CITED4: variants seen among roughly 807,000 people sequenced by gnomAD.
The protein encoded by CITED4 is Cbp/p300 interacting transactivator with ED-rich tail 4.
Under a neutral mutation model 3.3 loss-of-function variants are expected in CITED4, and 3 were observed. That is an observed-to-expected ratio of 0.92 (90% confidence interval 0.42 to 2.38). The LOEUF is 2.38. Ranked by LOEUF, CITED4 falls within the 30% of genes most tolerant of loss-of-function variation. The pLI is 0.05. For synonymous variants in CITED4, 167 were observed against 145.8 expected (o/e 1.15, Z -1.05); for missense variants, 333 against 274.2 (o/e 1.21, Z -1.51).
At position 40,862,053 on chromosome 1, in the gene CITED4, G is replaced by T; in HGVS notation, c.75C>A (p.Gly25=). The T allele has an allele frequency of 7.6e-7, 1 of 1,323,778 alleles. No homozygotes were observed. Among genetic ancestry groups the T allele is most frequent in the Non-Finnish European group, 9.7e-7 (1 of 1,035,648 alleles). 82.0% of individuals were successfully genotyped at this position (1,323,778 alleles called of 1,614,324 possible). The change falls in exon 1 of 1, where the codon GGC becomes GGA. Residue 25 remains glycine, a synonymous_variant. Coordinates refer to ENST00000372638, the MANE Select transcript of CITED4 (RefSeq NM_133467.3). ...QRPPSAAAAH[G]PHALRTLPPY... Reference sequence around the variant, plus strand: ...GCGGCAGAGTCCGGAGCGCATGAGGGCCATGGGCGGCCGCGGCGGACGGCG... The same window carrying T: ...GCGGCAGAGTCCGGAGCGCATGAGGTCCATGGGCGGCCGCGGCGGACGGCG...
chr1:40,861,958 C>A lies in CITED4; in HGVS notation c.170G>T (p.Arg57Leu), dbSNP rs118006907. 1 of 1,243,594 alleles carries A rather than the reference C, an allele frequency of 8.0e-7. No homozygotes were observed. 77.0% of individuals were successfully genotyped at this position (1,243,594 alleles called of 1,614,324 possible). A position where few individuals can be genotyped will look rare whatever the true frequency, so the allele number is the denominator to read the frequency against. ...RGAPLGPPPP[R>L]QPGALAYGAF... is the part of the protein sequence containing the mutation. ...CCCGTACGCCAGGGCCCCGGGTTGGCGGGGCGGCGGCGGCCCCAGCGGAGC... is the reference window on the plus strand; with the variant it reads ...CCCGTACGCCAGGGCCCCGGGTTGGAGGGGCGGCGGCGGCCCCAGCGGAGC... Residue 57 changes from arginine (R) to leucine (L), a missense_variant, in exon 1 of 1, where the codon CGC (arginine) becomes CTC (leucine). By Grantham distance (102) the Arg-to-Leu change is moderately radical (BLOSUM62 -2). Transcript: ENST00000372638.
Position 40,862,352 on chromosome 1 carries a change from C to G in CITED4, c.-225G>C, listed in dbSNP as rs1476158359. On this transcript the variant is annotated 5_prime_UTR_variant, in exon 1 of 1. Transcript: ENST00000372638. ...CAAAGGCCCGCAACCTGTAGTGCTC[C>G]GAAACCTCCGCGTCGCGTAGCTGGG... is the stretch of plus-strand genomic sequence containing the variant. The G allele has an allele frequency of 3.1e-5, 10 of 321,310 alleles. No individual in the cohort carries two copies. The highest frequency in any genetic ancestry group is 1.7e-4 in the African/African-American group (8 of 45,994). 19.9% of individuals were successfully genotyped at this position (321,310 alleles called of 1,614,324 possible).
At position 40,861,938 on chromosome 1, in the gene CITED4, A is replaced by C. The variant is rs1649392126; in HGVS notation, c.190T>G (p.Tyr64Asp). 8.0e-7 allele frequency: 1 copy of C among 1,245,470 alleles called. No homozygotes were observed. The highest frequency in any genetic ancestry group is 1.6e-5 in the African/African-American group (1 of 62,878). 77.2% of individuals were successfully genotyped at this position (1,245,470 alleles called of 1,614,324 possible). ...GAGGACGGCGGCCCGAAGGCCCCGT[A>C]CGCCAGGGCCCCGGGTTGGCGGGGC... ...PPPRQPGALA[Y>D]GAFGPPSSFQ... is the part of the protein sequence containing the mutation. The change falls in exon 1 of 1, where the codon TAC (tyrosine) becomes GAC (aspartate). Residue 64 changes from tyrosine to aspartate, a missense_variant. Coordinates refer to ENST00000372638, the MANE Select transcript of CITED4 (RefSeq NM_133467.3).
rs1437068773 is a variant in CITED4 at position 40,862,079 on chromosome 1, G to C, written c.49C>G (p.Pro17Ala). 14 of 1,319,278 alleles carry C rather than the reference G, an allele frequency of 1.1e-5. No individual in the cohort carries two copies. Among genetic ancestry groups the C allele is most frequent in the East Asian group, 3.2e-5 (1 of 30,792 alleles). The allele number at this position is 1,319,278 out of a possible 1,614,324, so 81.7% of individuals were successfully genotyped here. ...LAEGYRLVQR[P>A]PSAAAAHGPH... ...CCATGGGCGGCCGCGGCGGACGGCG[G>C]CCTCTGCACCAGGCGGTAGCCCTCG... The change falls in exon 1 of 1, where the codon CCG (proline) becomes GCG (alanine). Residue 17 changes from proline to alanine, a missense_variant. By Grantham distance (27) the Pro-to-Ala change is conservative (BLOSUM62 -1). Transcript: ENST00000372638.
Position 40,861,884 on chromosome 1 carries a change from GC to G in CITED4, c.243del (p.Pro82ArgfsTer61). Reference protein sequence around the residue: ...SSFQPFPAVPPPAAGIAHLQP... With the variant: ...SSFQPFPAVPXPAAGIAHLQP... ...TGCAGGTGCGCGATGCCCGCGGCCG[GC>G]GGAGGCACGGCCGGAAAGGGCTGGA... On this transcript the variant is annotated frameshift_variant, in exon 1 of 1. Coordinates refer to ENST00000372638, the MANE Select transcript of CITED4 (RefSeq NM_133467.3). LOFTEE classifies it low-confidence loss of function (END_TRUNC). 8.1e-7 allele frequency: 1 copy of G among 1,233,454 alleles called. No individual in the cohort carries two copies. Among genetic ancestry groups the G allele is most frequent in the South Asian group, 2.6e-5 (1 of 39,184 alleles). The allele number at this position is 1,233,454 out of a possible 1,614,324, so 76.4% of individuals were successfully genotyped here.
At position 40,861,504 on chromosome 1, in the gene CITED4, G is replaced by T; in HGVS notation, c.*69C>A. ...AGGGCGCGCGCGGGGCCCAGTCGCT[G>T]GGTGCAGGGTCCGGCGGGCAGTCGG... On this transcript the variant is annotated 3_prime_UTR_variant, in exon 1 of 1. Coordinates refer to ENST00000372638, the MANE Select transcript of CITED4 (RefSeq NM_133467.3). 9.9e-7 allele frequency: 1 copy of T among 1,008,276 alleles called. No individual in the cohort carries two copies. Among genetic ancestry groups the T allele is most frequent in the Non-Finnish European group, 1.3e-6 (1 of 779,516 alleles). The allele number at this position is 1,008,276 out of a possible 1,614,324, so 62.5% of individuals were successfully genotyped here.
chr1:40,861,534 T>G lies in CITED4; in HGVS notation c.*39A>C. On this transcript the variant is annotated 3_prime_UTR_variant, in exon 1 of 1. Transcript: ENST00000372638. ...CAGGGTCCGGCGGGCAGTCGGGCCC[T>G]TTCTCCTCTCCGGCACGCCGGGCGG... is the stretch of plus-strand genomic sequence containing the variant. 1 of 1,321,002 alleles carries G rather than the reference T, an allele frequency of 7.6e-7. No homozygotes were observed. The allele number at this position is 1,321,002 out of a possible 1,614,324, so 81.8% of individuals were successfully genotyped here.
chr1:40,861,809 G>C lies in CITED4; in HGVS notation c.319C>G (p.Pro107Ala), dbSNP rs1489037963. Reference sequence around the variant, plus strand: ...GGCTGCGGGCCCGGGGGGCCTCCCGGAGCGTTGGGGGGCGCGGCCGCGCGG... The same window carrying C: ...GGCTGCGGGCCCGGGGGGCCTCCCGCAGCGTTGGGGGGCGCGGCCGCGCGG... ...PGRAAAPPNA[P>A]GGPPGPQPAP... is the part of the protein sequence containing the mutation. Residue 107 changes from proline (P) to alanine (A), a missense_variant, in exon 1 of 1, where the codon CCG becomes GCG. Coordinates refer to ENST00000372638, the MANE Select transcript of CITED4 (RefSeq NM_133467.3). The C allele has an allele frequency of 9.0e-7, 1 of 1,112,070 alleles. No individual in the cohort carries two copies. The highest frequency in any genetic ancestry group is 1.1e-6 in the Non-Finnish European group (1 of 912,814). 68.9% of individuals were successfully genotyped at this position (1,112,070 alleles called of 1,614,324 possible).
Position 40,861,596 on chromosome 1 carries a change from G to A in CITED4, c.532C>T (p.Pro178Ser), listed in dbSNP as rs1455562949. The change falls in exon 1 of 1, where the codon CCC (proline) becomes TCC (serine). Residue 178 changes from proline to serine, a missense_variant. By Grantham distance (74) the Pro-to-Ser change is moderately conservative. Coordinates refer to ENST00000372638, the MANE Select transcript of CITED4 (RefSeq NM_133467.3). ...DCFSDLGSAPPAGSVSC is the reference protein window; with the variant it reads ...DCFSDLGSAPSAGSVSC ...CCTCAGCAGCTCACGGAGCCGGCGG[G>A]CGGCGCGGACCCCAAGTCCGAGAAG... The A allele has an allele frequency of 1.4e-6, 2 of 1,461,316 alleles. No individual in the cohort carries two copies. Among genetic ancestry groups the A allele is most frequent in the East Asian group, 6.1e-5 (2 of 32,828 alleles). 90.5% of individuals were successfully genotyped at this position (1,461,316 alleles called of 1,614,324 possible). A position where few individuals can be genotyped will look rare whatever the true frequency, so the allele number is the denominator to read the frequency against.
chr1:40,861,411 G>A lies in CITED4; in HGVS notation c.*162C>T. On this transcript the variant is annotated 3_prime_UTR_variant, in exon 1 of 1. Coordinates refer to ENST00000372638, the MANE Select transcript of CITED4 (RefSeq NM_133467.3). ...TGTCCTCCCGCAGGAGGCAAGGCCT[G>A]GAGGGACGCCAGGGTCCCAGTCCGG... 1 of 367,450 alleles carries A rather than the reference G, an allele frequency of 2.7e-6. No homozygotes were observed. Among genetic ancestry groups the A allele is most frequent in the Non-Finnish European group, 4.8e-6 (1 of 209,410 alleles). The allele number at this position is 367,450 out of a possible 1,614,324, so 22.8% of individuals were successfully genotyped here. A position where few individuals can be genotyped will look rare whatever the true frequency, so the allele number is the denominator to read the frequency against.
chr1:40,862,284 C>A lies in CITED4; in HGVS notation c.-157G>T, dbSNP rs1391631584. On this transcript the variant is annotated 5_prime_UTR_variant, in exon 1 of 1. Coordinates refer to ENST00000372638, the MANE Select transcript of CITED4 (RefSeq NM_133467.3). The stretch of plus-strand genomic sequence containing the variant: ...AAACCAAACCCGACTGGTGCCCCGG[C>A]CCAGCCCACTACTGCGCACCTTGCG... 4 of 376,380 alleles carry A rather than the reference C, an allele frequency of 1.1e-5. No homozygotes were observed. Among genetic ancestry groups the A allele is most frequent in the Admixed American group, 9.5e-5 (2 of 21,030 alleles). 23.3% of individuals were successfully genotyped at this position (376,380 alleles called of 1,614,324 possible). A position where few individuals can be genotyped will look rare whatever the true frequency, so the allele number is the denominator to read the frequency against.
In CITED4 at chr1:40,861,469, AC is replaced by A; in HGVS notation, c.*103del. The A allele has an allele frequency of 1.6e-6, 1 of 609,828 alleles. No homozygotes were observed. The highest frequency in any genetic ancestry group is 4.0e-5 in the East Asian group (1 of 25,180). The allele number at this position is 609,828 out of a possible 1,614,324, so 37.8% of individuals were successfully genotyped here. On this transcript the variant is annotated 3_prime_UTR_variant, in exon 1 of 1. Coordinates refer to ENST00000372638, the MANE Select transcript of CITED4 (RefSeq NM_133467.3). ...CCCTGCGCACACAGCCGCCGCCTCC[AC>A]CCTCGCGGAGGGCGCGCGCGGGGCC...
chr1:40,861,895 G>A lies in CITED4; in HGVS notation c.233C>T (p.Ala78Val). Residue 78 changes from alanine to valine, a missense_variant, in exon 1 of 1, where the codon GCC (alanine) becomes GTC (valine). Coordinates refer to ENST00000372638, the MANE Select transcript of CITED4 (RefSeq NM_133467.3). ...GPPSSFQPFP[A>V]VPPPAAGIAH... ...GATGCCCGCGGCCGGCGGAGGCACG[G>A]CCGGAAAGGGCTGGAAGGAGGACGG... is the stretch of plus-strand genomic sequence containing the variant. The A allele has an allele frequency of 1.6e-6, 2 of 1,245,976 alleles. No individual in the cohort carries two copies. Among genetic ancestry groups the A allele is most frequent in the Non-Finnish European group, 2.0e-6 (2 of 989,188 alleles). The allele number at this position is 1,245,976 out of a possible 1,614,324, so 77.2% of individuals were successfully genotyped here.
chr1:40,861,673 T>C lies in CITED4; in HGVS notation c.455A>G (p.His152Arg). Residue 152 changes from histidine (H) to arginine (R), a missense_variant, in exon 1 of 1, where the codon CAC becomes CGC. Physicochemically the swap from His to Arg is conservative, Grantham distance 29. Transcript: ENST00000372638. ...LTSLELELGL[H>R]RVRELPELFL... ...GAGCTCGGGCAGCTCGCGCACGCGG[T>C]GCAGCCCGAGCTCCAGCTCCAGCGA... 6.7e-7 allele frequency: 1 copy of C among 1,498,144 alleles called. No homozygotes were observed. The highest frequency in any genetic ancestry group is 1.2e-5 in the South Asian group (1 of 81,440). 92.8% of individuals were successfully genotyped at this position (1,498,144 alleles called of 1,614,324 possible).
Position 40,861,818 on chromosome 1 carries a change from G to A in CITED4, c.310C>T (p.Pro104Ser), listed in dbSNP as rs1649385783. Residue 104 changes from proline (P) to serine (S), a missense_variant, in exon 1 of 1, where the codon CCC (proline) becomes TCC (serine). Transcript: ENST00000372638. ...TPYPGRAAAP[P>S]NAPGGPPGPQ... ...CCCGGGGGGCCTCCCGGAGCGTTGG[G>A]GGGCGCGGCCGCGCGGCCGGGGTAC... The A allele has an allele frequency of 1.8e-6, 2 of 1,102,326 alleles. No individual in the cohort carries two copies. Among genetic ancestry groups the A allele is most frequent in the South Asian group, 8.6e-5 (2 of 23,214 alleles). The allele number at this position is 1,102,326 out of a possible 1,614,324, so 68.3% of individuals were successfully genotyped here. A position where few individuals can be genotyped will look rare whatever the true frequency, so the allele number is the denominator to read the frequency against.
chr1:40,861,340 C>G lies in CITED4; in HGVS notation c.*233G>C, dbSNP rs946003485. The G allele has an allele frequency of 9.9e-6, 3 of 303,428 alleles. No individual in the cohort carries two copies. Among genetic ancestry groups the G allele is most frequent in the African/African-American group, 6.6e-5 (3 of 45,674 alleles). 18.8% of individuals were successfully genotyped at this position (303,428 alleles called of 1,614,324 possible). A position where few individuals can be genotyped will look rare whatever the true frequency, so the allele number is the denominator to read the frequency against. ...CCGAAAGCTGAAGCTGGTCCGGTCT[C>G]TTTCACTTTACGGCCGAGGCTGGGG... is the stretch of plus-strand genomic sequence containing the variant. On this transcript the variant is annotated 3_prime_UTR_variant, in exon 1 of 1. Transcript: ENST00000372638.
In CITED4 at chr1:40,861,633, G is replaced by C; in HGVS notation, c.495C>G (p.Ser165Arg). 3.3e-6 allele frequency: 5 copies of C among 1,501,240 alleles called. No homozygotes were observed. Among genetic ancestry groups the C allele is most frequent in the Non-Finnish European group, 4.4e-6 (5 of 1,130,696 alleles). 93.0% of individuals were successfully genotyped at this position (1,501,240 alleles called of 1,614,324 possible). A position where few individuals can be genotyped will look rare whatever the true frequency, so the allele number is the denominator to read the frequency against. ...RELPELFLGQ[S>R]EFDCFSDLGS... ...CCAAGTCCGAGAAGCAGTCGAACTC[G>C]CTCTGGCCCAGGAAGAGCTCGGGCA... is the stretch of plus-strand genomic sequence containing the variant. The change falls in exon 1 of 1, where the codon AGC becomes AGG. Residue 165 changes from serine (S) to arginine (R), a missense_variant. Physicochemically the swap from Ser to Arg is moderately radical, Grantham distance 110 (BLOSUM62 -1). Transcript: ENST00000372638.
Position 40,861,405 on chromosome 1 carries a change from A to C in CITED4, c.*168T>G. On this transcript the variant is annotated 3_prime_UTR_variant, in exon 1 of 1. Coordinates refer to ENST00000372638, the MANE Select transcript of CITED4 (RefSeq NM_133467.3). ...CCAAACTGTCCTCCCGCAGGAGGCAAGGCCTGGAGGGACGCCAGGGTCCCA... is the reference window on the plus strand; with the variant it reads ...CCAAACTGTCCTCCCGCAGGAGGCACGGCCTGGAGGGACGCCAGGGTCCCA... 1 of 357,454 alleles carries C rather than the reference A, an allele frequency of 2.8e-6. No homozygotes were observed. The highest frequency in any genetic ancestry group is 5.0e-6 in the Non-Finnish European group (1 of 201,672). 22.1% of individuals were successfully genotyped at this position (357,454 alleles called of 1,614,324 possible).
At position 40,862,319 on chromosome 1, in the gene CITED4, T is replaced by G; in HGVS notation, c.-192A>C. 1 of 342,138 alleles carries G rather than the reference T, an allele frequency of 2.9e-6. No homozygotes were observed. Among genetic ancestry groups the G allele is most frequent in the Non-Finnish European group, 5.3e-6 (1 of 190,444 alleles). The allele number at this position is 342,138 out of a possible 1,614,324, so 21.2% of individuals were successfully genotyped here. A position where few individuals can be genotyped will look rare whatever the true frequency, so the allele number is the denominator to read the frequency against. ...TACTGCGCACCTTGCGGCCGCAGCC[T>G]GGGGTCACAAAGGCCCGCAACCTGT... On this transcript the variant is annotated 5_prime_UTR_variant, in exon 1 of 1. Coordinates refer to ENST00000372638, the MANE Select transcript of CITED4 (RefSeq NM_133467.3).
Sources: allele counts gnomAD v4.1 joint callset, GRCh38; gene constraint gnomAD v4.1.1; transcripts MANE v1.5; gene names NCBI Gene and HGNC (gene_info 2026-07-23, HGNC 2026-07-21).